The following ITIH2 variants were observed in gnomAD, a reference collection of about 807,000 sequenced individuals.
ITIH2 encodes the protein inter-alpha-trypsin inhibitor heavy chain H2.
In ITIH2, 103 loss-of-function variants were observed where a neutral mutation model predicts 104.4. That is an observed-to-expected ratio of 0.99 (90% CI 0.84 to 1.16). The LOEUF (loss-of-function observed/expected upper bound fraction) is 1.16. Among genes scored for constraint, ITIH2 ranks in the 50% most tolerant of loss-of-function variants. ITIH2 has a pLI of 0.00. For missense variants in ITIH2, 1,108 were observed against 1,162.4 expected (o/e 0.95, Z 0.68); for synonymous variants, 436 against 435.4 (o/e 1.00, Z -0.02).
intron 11 of ITIH2, among the ~76,000 whole-genome samples, chr10:7,729,555 C>A (rs1639171532): frequency 6.6e-6 from 1 of 152,052 alleles, no homozygotes; most frequent in African/African-American, 2.4e-5. Flanking sequence ...TCCTAGGTAC[C>A]CTGATATTTA....
intron 9 of ITIH2, among the ~76,000 whole-genome samples, chr10:7,725,015 A>G (rs1280473555): frequency 1.3e-5 from 2 of 151,914 alleles, no homozygotes; most frequent in Non-Finnish European, 2.9e-5. Flanking sequence ...AACAGACCCA[A>G]AGCATAAAAA....
At position 7,720,927 on chromosome 10, in the gene ITIH2, C is replaced by T. The variant is rs148694864; in HGVS notation, c.702C>T (p.Phe234=). ...TTCCCGACACATTTGAAGGCCATTT[C>T]GATGGTGTTCCGGTCATTTCTAAAG... ...LHVPDTFEGH[F]DGVPVISKGQ... Residue 234 remains phenylalanine (F), a synonymous_variant, in exon 7 of 21, where the codon TTC becomes TTT. Coordinates refer to ENST00000358415, the MANE Select transcript of ITIH2 (RefSeq NM_002216.3). The T allele has an allele frequency of 4.2e-5, 67 of 1,613,378 alleles. No individual in the cohort carries two copies. The highest frequency in any genetic ancestry group is 3.1e-4 in the African/African-American group (23 of 74,902).
chr10:7,736,273 G>A (rs921507919), intron 15 of ITIH2, among the ~76,000 whole-genome samples: 4 of 152,118 alleles, frequency 2.6e-5, no homozygotes, highest in Admixed American at 6.6e-5. Flanking sequence ...AGGCTGAGGC[G>A]GGAGGATTGC....
At position 7,727,265 on chromosome 10, in the gene ITIH2, T is replaced by G. The variant is rs73623110; in HGVS notation, c.1153+147T>G. ...AATACATTTATTGGTAATGGATGAA[T>G]GCTAAGTTTGTAGTGAAAGTAGAAT... On this transcript the variant is annotated intron_variant, in intron 10 of 20. Coordinates refer to ENST00000358415, the MANE Select transcript of ITIH2 (RefSeq NM_002216.3). 2.6e-3 allele frequency: 1,775 copies of G among 675,316 alleles called. 35 individuals carry two copies. In the African/African-American group the frequency reaches 0.027, roughly 10 times the overall value. The allele number at this position is 675,316 out of a possible 1,614,324, so 41.8% of individuals were successfully genotyped here.
At chr10:7,740,383 G>A (rs1472703968) in intron 16 of ITIH2, among the ~76,000 whole-genome samples, 1 of 152,152 alleles carries the variant, frequency 6.6e-6, no homozygotes, top group African/African-American at 2.4e-5. Context: ...AGAAGTCTCA[G>A]TTAACAGCGG....
chr10:7,737,115 G>A (rs1413948453), intron 15 of ITIH2, among the ~76,000 whole-genome samples: 1 of 151,642 alleles, frequency 6.6e-6, no homozygotes, highest in Admixed American at 6.6e-5. Context: ...TTTGCTTCCT[G>A]GAGGACTCTG....
At chr10:7,734,407 C>T (rs1835032618) in intron 14 of ITIH2, among the ~76,000 whole-genome samples, 1 of 152,184 alleles carries the variant, frequency 6.6e-6, no homozygotes, top group Non-Finnish European at 1.5e-5. Context: ...TAAAAAAATG[C>T]CTTGGGAGCC....
At chr10:7,742,247 G>A (rs1425459010) in intron 16 of ITIH2, among the ~76,000 whole-genome samples, 2 of 151,950 alleles carry the variant, frequency 1.3e-5, no homozygotes, top group Non-Finnish European at 2.9e-5. Context: ...AGCGGGAGAG[G>A]GAGAGTGGGG....
chr10:7,743,680 C>T (rs894228646), intron 17 of ITIH2, among the ~76,000 whole-genome samples: 9 of 152,046 alleles, frequency 5.9e-5, no homozygotes, highest in African/African-American at 2.2e-4. Context: ...ACTCAGGAGG[C>T]TGAGGCAGGA....
intron 9 of ITIH2, among the ~76,000 whole-genome samples, chr10:7,725,337 G>A (rs936325674): frequency 1.3e-5 from 2 of 152,158 alleles, no homozygotes; most frequent in Non-Finnish European, 2.9e-5. Context: ...ATATCTAAGG[G>A]AATTAAATGC....
At chr10:7,749,055 T>C in intron 20 of ITIH2, 132 bp from the exon 21 acceptor site, 1 of 823,156 alleles carries the variant, frequency 1.2e-6, no homozygotes. Flanking sequence ...TCACATGACT[T>C]GGGGAGCAGC....
At chr10:7,731,067 T>C (rs1196500334) in intron 12 of ITIH2, among the ~76,000 whole-genome samples, 1 of 152,094 alleles carries the variant, frequency 6.6e-6, no homozygotes, top group Non-Finnish European at 1.5e-5. Context: ...TACAGGCATG[T>C]GCCACCAGGC....
intron 4 of ITIH2, among the ~76,000 whole-genome samples, chr10:7,709,737 C>T (rs1015674792): frequency 6.6e-6 from 1 of 152,196 alleles, no homozygotes; most frequent in African/African-American, 2.4e-5. Flanking sequence ...TCTTATACTT[C>T]AAATATTTTC....
chr10:7,713,414 C>T, intron 5 of ITIH2, 129 bp downstream of exon 5: 1 of 666,770 alleles, frequency 1.5e-6, no homozygotes, highest in African/African-American at 1.8e-5. Context: ...CTCCTCAGAG[C>T]CAGATGTTAG....
At chr10:7,728,904 G>T (rs1834975128) in intron 11 of ITIH2, among the ~76,000 whole-genome samples, 1 of 152,156 alleles carries the variant, frequency 6.6e-6, no homozygotes, top group South Asian at 2.1e-4. Flanking sequence ...AACGAGACTA[G>T]AATGAGCCAG....
chr10:7,704,886 A>G (rs113836364), intron 1 of ITIH2, among the ~76,000 whole-genome samples: 10,563 of 151,258 alleles, frequency 0.07, 381 homozygotes, highest in Admixed American at 0.084. Context: ...ACACATGGAC[A>G]CAGGAAGGGG....
At chr10:7,737,654 T>TCTATAGA (rs1224755503) in intron 15 of ITIH2, among the ~76,000 whole-genome samples, 36 of 71,428 alleles carry the variant, frequency 5.0e-4, no homozygotes, top group East Asian at 2.5e-3. Context: ...TATTCTATAT[T>TCTATAGA]ATATTCTATA....
chr10:7,717,868 C>T (rs1342460004), intron 6 of ITIH2, 80 bp downstream of exon 6: 3 of 1,398,494 alleles, frequency 2.1e-6, no homozygotes, highest in African/African-American at 1.4e-5. Context: ...CTGCTTGTCA[C>T]TAGCACTTGT....
chr10:7,735,674 C>CTTT lies in ITIH2; in HGVS notation c.1957+597_1957+599dup, dbSNP rs35122608. On this transcript the variant is annotated intron_variant, in intron 15 of 20. Coordinates refer to ENST00000358415, the MANE Select transcript of ITIH2 (RefSeq NM_002216.3). ...TTTTTCTTTTCTTTTCTTTTCTTTT[C>CTTT]TTTTTTTTTTTTTTTTGAGACAGAG... 2.0e-3 allele frequency among the ~76,000 whole-genome samples: 258 copies of CTTT among 130,540 alleles called. 1 individual carries two copies. Among genetic ancestry groups the CTTT allele is most frequent in the African/African-American group, 7.1e-3 (240 of 33,676 alleles). The allele number at this position is 130,540 out of a possible 152,430, so 85.6% of individuals were successfully genotyped here.
Sources: gnomAD v4.1 joint callset for allele counts (sites outside exome capture counted in the v4.1 genomes callset) on GRCh38, gnomAD v4.1.1 for gene constraint, MANE v1.5 for transcripts, NCBI Gene and HGNC (gene_info 2026-07-23, HGNC 2026-07-21) for gene names.